The following HERC2 variants were observed in gnomAD, a reference collection of about 807,000 sequenced individuals.
HERC2 encodes the protein E3 ubiquitin-protein ligase HERC2.
HERC2 carries 102 observed loss-of-function variants against 537.7 expected under a neutral mutation model. That is an observed-to-expected ratio of 0.19 (90% confidence interval 0.16 to 0.22). The LOEUF (loss-of-function observed/expected upper bound fraction) is 0.22, where lower values mean the gene tolerates loss of function less well. HERC2 is among the 10% of genes least tolerant of loss of function. The pLI is 1.00. For missense variants in HERC2, 4,236 were observed against 6,198.2 expected, an observed-to-expected ratio of 0.68 and a Z score of 10.63; for synonymous variants, 2,224 against 2,466.2, an observed-to-expected ratio of 0.90 and a Z score of 2.91.
chr15:28,216,639 C>T lies in HERC2; in HGVS notation c.6029-837G>A, dbSNP rs1443739680. 4.0e-5 allele frequency among the ~76,000 whole-genome samples: 6 copies of T among 151,086 alleles called. No homozygotes were observed. The South Asian group carries it at 1.3e-3, about 32-fold the overall frequency. ...ATGCGCTCACACACACACACTCACTCTCACACCCTCATATGCATCCTCACA... is the reference window on the plus strand; with the variant it reads ...ATGCGCTCACACACACACACTCACTTTCACACCCTCATATGCATCCTCACA... On this transcript the variant is annotated intron_variant, in intron 38 of 92. Transcript: ENST00000261609.
intron 35 of HERC2, among the ~76,000 whole-genome samples, chr15:28,222,807 C>G (rs879572104): frequency 2.6e-5 from 4 of 152,074 alleles, no homozygotes; most frequent in Admixed American, 2.6e-4. Context: ...TTCGTATGCG[C>G]CAGGAAGGGG....
In HERC2 at chr15:28,114,706, T is replaced by C. The variant is rs1186639497; in HGVS notation, c.13819A>G (p.Ser4607Gly). Residue 4607 changes from serine (S) to glycine (G), a missense_variant, in exon 90 of 93, where the codon AGT becomes GGT. Around this residue, in one of 27 missense-constraint regions of HERC2, gnomAD observed 313 missense variants for 462.6 expected, o/e 0.68. Transcript: ENST00000261609. The stretch of plus-strand genomic sequence containing the variant: ...AACTGAATGTCCTGGCCACTGGCAC[T>C]TGGCACTGTGAAGGGCAGGCTCATG... ...EAMSLPFTVP[S>G]ASGQDIQLSS... The C allele has an allele frequency of 1.9e-6, 3 of 1,614,132 alleles. No homozygotes were observed. Among genetic ancestry groups the C allele is most frequent in the Admixed American group, 1.7e-5 (1 of 60,016 alleles).
intron 4 of HERC2, among the ~76,000 whole-genome samples, chr15:28,289,612 T>C (rs1311883550): frequency 2.0e-5 from 3 of 152,192 alleles, no homozygotes; most frequent in Admixed American, 1.3e-4. Flanking sequence ...GGCTTCTCTA[T>C]AAATAAATGA....
intron 2 of HERC2, among the ~76,000 whole-genome samples, chr15:28,310,194 C>G (rs1394797759): frequency 2.0e-5 from 3 of 152,328 alleles, no homozygotes; most frequent in African/African-American, 7.2e-5. Context: ...CACCTGTAAT[C>G]CCAGCACTTG....
At position 28,132,646 on chromosome 15, in the gene HERC2, T is replaced by A. The variant is rs1181237173; in HGVS notation, c.12408+7A>T. 2 of 1,498,742 alleles carry A rather than the reference T, an allele frequency of 1.3e-6. No individual in the cohort carries two copies. Among genetic ancestry groups the A allele is most frequent in the African/African-American group, 2.8e-5 (2 of 70,226 alleles). The allele number at this position is 1,498,742 out of a possible 1,614,324, so 92.8% of individuals were successfully genotyped here. ...GCCTCCGGCCTCTGCACACGGCGCCTCCTCACCAGCTTCGGCTTCAGCTGG... is the reference window on the plus strand; with the variant it reads ...GCCTCCGGCCTCTGCACACGGCGCCACCTCACCAGCTTCGGCTTCAGCTGG... On this transcript the variant is annotated splice_region_variant and intron_variant, in intron 80 of 92. Transcript: ENST00000261609.
chr15:28,249,903 C>CCT, intron 20 of HERC2, among the ~76,000 whole-genome samples: 1 of 152,020 alleles, frequency 6.6e-6, no homozygotes, highest in South Asian at 2.1e-4. Context: ...GATTCACCCG[C>CCT]CTCAGCCTCC....
chr15:28,214,171 G>A lies in HERC2; in HGVS notation c.6460C>T (p.His2154Tyr). Residue 2154 changes from histidine (H) to tyrosine (Y), a missense_variant, in exon 41 of 93, where the codon CAC becomes TAC. Physicochemically the swap from His to Tyr is moderately conservative, Grantham distance 83. Transcript: ENST00000261609. ...EEVVALLRTL[H>Y]SLTQWNGLIN... The stretch of plus-strand genomic sequence containing the variant: ...AGCCCATTCCACTGAGTCAGGGAGT[G>A]CAGCGTGCGCAGCAGTGCCACCACC... 6.2e-7 allele frequency: 1 copy of A among 1,613,092 alleles called. No individual in the cohort carries two copies. The highest frequency in any genetic ancestry group is 8.5e-7 in the Non-Finnish European group (1 of 1,179,862).
intron 4 of HERC2, among the ~76,000 whole-genome samples, chr15:28,286,324 A>G (rs181142318): frequency 1.9e-4 from 29 of 152,292 alleles, no homozygotes; most frequent in African/African-American, 6.7e-4. Context: ...AGACAGTACA[A>G]AGTACAGAAC....
chr15:28,206,693 C>A (rs932636999), intron 44 of HERC2, among the ~76,000 whole-genome samples: 14 of 151,624 alleles, frequency 9.2e-5, no homozygotes, highest in Admixed American at 3.3e-4. Flanking sequence ...ATTAGCTGGG[C>A]ATGGTGGCGG....
intron 4 of HERC2, among the ~76,000 whole-genome samples, chr15:28,288,193 G>C (rs1027498349): frequency 1.3e-5 from 2 of 152,120 alleles, no homozygotes; most frequent in Middle Eastern, 3.2e-3. Flanking sequence ...ACACAAGGCA[G>C]CTGGGACAGA....
intron 26 of HERC2, among the ~76,000 whole-genome samples, chr15:28,236,029 C>T (rs1902403067): frequency 6.6e-6 from 1 of 152,218 alleles, no homozygotes; most frequent in African/African-American, 2.4e-5. Flanking sequence ...AAGTAGAATG[C>T]TGTTCCCTGA....
In HERC2 at chr15:28,130,240, T is replaced by C. The variant is rs1889966615; in HGVS notation, c.12725A>G (p.Gln4242Arg). The change falls in exon 83 of 93, where the codon CAG becomes CGG. Residue 4242 changes from glutamine (Q) to arginine (R), a missense_variant. This residue lies in a region of HERC2 where 189 missense variants were observed against 255.7 expected (regional missense o/e 0.74). Transcript: ENST00000261609. Reference sequence around the variant, plus strand: ...TTTCTTCCCCTGCAACCCTTGGACCTGCCGAGGCCTTCGAACATGGTCATC... The same window carrying C: ...TTTCTTCCCCTGCAACCCTTGGACCCGCCGAGGCCTTCGAACATGGTCATC... ...GSDDHVRRPRQVQGLQGKKVI... is the reference protein window; with the variant it reads ...GSDDHVRRPRRVQGLQGKKVI... The C allele has an allele frequency of 1.2e-6, 2 of 1,614,080 alleles. No individual in the cohort carries two copies. The highest frequency in any genetic ancestry group is 3.3e-5 in the Admixed American group (2 of 59,996).
At position 28,262,437 on chromosome 15, in the gene HERC2, T is replaced by G. The variant is rs559830161; in HGVS notation, c.2122+481A>C. Among the ~76,000 whole-genome samples the G allele has an allele frequency of 6.6e-5, 10 of 152,308 alleles. No homozygotes were observed. The East Asian group carries it at 1.9e-3, about 29-fold the overall frequency. On this transcript the variant is annotated intron_variant, in intron 15 of 92. Coordinates refer to ENST00000261609, the MANE Select transcript of HERC2 (RefSeq NM_004667.6). ...TTCCATCTCTTGCCTCCAACTACAA[T>G]GCATGCTGGACACCTTTGCAACTGA...
intron 48 of HERC2, among the ~76,000 whole-genome samples, chr15:28,199,407 T>C (rs940225671): frequency 1.3e-4 from 20 of 152,184 alleles, no homozygotes; most frequent in African/African-American, 4.8e-4. Context: ...GTCATCATGA[T>C]AATAAGGAAA....
Position 28,233,177 on chromosome 15 carries a change from T to C in HERC2, c.4644A>G (p.Gln1548=), listed in dbSNP as rs61757160. 0.017 allele frequency: 27,600 copies of C among 1,610,722 alleles called. 4,162 individuals carry two copies. In the African/African-American group the frequency reaches 0.33, roughly 19 times the overall value. Residue 1548 remains glutamine, a synonymous_variant, in exon 30 of 93, where the codon CAA becomes CAG. Coordinates refer to ENST00000261609, the MANE Select transcript of HERC2 (RefSeq NM_004667.6). ...SSLPRWRRIA[Q]KIIRERRKKR... is the part of the protein sequence containing the mutation. ...TTTTCCTTCGTTCTCGAATTATCTTTTGAGCTATCCTCCTCCAACGGGGCA... is the reference window on the plus strand; with the variant it reads ...TTTTCCTTCGTTCTCGAATTATCTTCTGAGCTATCCTCCTCCAACGGGGCA...
intron 2 of HERC2, among the ~76,000 whole-genome samples, chr15:28,318,277 T>C (rs8040781): frequency 0.049 from 7,447 of 151,492 alleles, 120 homozygotes; most frequent in African/African-American, 0.17. Flanking sequence ...TATTACTCTT[T>C]ACGAGAGCAG....
At chr15:28,298,784 A>G (rs2076541783) in intron 3 of HERC2, among the ~76,000 whole-genome samples, 1 of 151,964 alleles carries the variant, frequency 6.6e-6, no homozygotes, top group Non-Finnish European at 1.5e-5. Flanking sequence ...CAACAGAGCA[A>G]GACTCCTTCC....
At chr15:28,298,976 A>T (rs1202573860) in intron 3 of HERC2, among the ~76,000 whole-genome samples, 1 of 152,140 alleles carries the variant, frequency 6.6e-6, no homozygotes, top group Non-Finnish European at 1.5e-5. Context: ...CAGATTCAAC[A>T]AGTTTAGGGT....
chr15:28,306,617 T>C (rs1169211677), intron 2 of HERC2, among the ~76,000 whole-genome samples: 1 of 152,210 alleles, frequency 6.6e-6, no homozygotes, highest in Admixed American at 6.5e-5. Flanking sequence ...TCCTCCTCTA[T>C]TTTTCAGAAT....
Sources: allele counts gnomAD v4.1 joint callset (sites outside exome capture counted in the v4.1 genomes callset), GRCh38; gene constraint gnomAD v4.1.1; regional missense constraint gnomAD v4.1.1; transcripts MANE v1.5; gene names NCBI Gene and HGNC (gene_info 2026-07-23, HGNC 2026-07-21).